Variants in SYNJ2 observed in about 807,000 individuals in gnomAD.
SYNJ2 encodes the protein synaptojanin 2.
A neutral mutation model predicts 141.3 loss-of-function variants in SYNJ2; 116 were observed. That is an observed-to-expected ratio of 0.82 (90% CI 0.71 to 0.96). The LOEUF (loss-of-function observed/expected upper bound fraction) is 0.96, where lower values mean the gene tolerates loss of function less well. Ranked by LOEUF, SYNJ2 falls within the 40% of genes least tolerant of loss-of-function variation. The pLI is 0.00. For synonymous variants in SYNJ2, 745 were observed against 777.7 expected, an observed-to-expected ratio of 0.96 and a Z score of 0.70; for missense variants, 1,873 against 1,934.8, an observed-to-expected ratio of 0.97 and a Z score of 0.60.
chr6:158,029,128 G>A (rs371729939), intron 3 of SYNJ2, 102 bp downstream of exon 3: 14 of 1,367,046 alleles, frequency 1.0e-5, no homozygotes, highest in South Asian at 4.5e-5. Flanking sequence ...CACCACCCCC[G>A]GGTTATGGGG....
At chr6:157,997,297 G>A (rs887664424) in intron 1 of SYNJ2, among the ~76,000 whole-genome samples, 2 of 152,190 alleles carry the variant, frequency 1.3e-5, no homozygotes, top group Admixed American at 6.5e-5. Flanking sequence ...TGGAAATAGG[G>A]TCTTTGCAGA....
chr6:158,069,973 A>G lies in SYNJ2; in HGVS notation c.1940+300A>G, dbSNP rs549037902. Among the ~76,000 whole-genome samples, 4 of 152,314 alleles carry G rather than the reference A, an allele frequency of 2.6e-5. No individual in the cohort carries two copies. The East Asian group carries it at 7.7e-4, about 29-fold the overall frequency. On this transcript the variant is annotated intron_variant, in intron 14 of 26. Transcript: ENST00000355585. ...TGCAAGGAAAAGGGTTCCTTGTTGGAATCTTATAGACAGGAAACCTCTGAC... is the reference window on the plus strand; with the variant it reads ...TGCAAGGAAAAGGGTTCCTTGTTGGGATCTTATAGACAGGAAACCTCTGAC...
intron 1 of SYNJ2, among the ~76,000 whole-genome samples, chr6:158,013,017 G>T (rs1483022603): frequency 1.3e-5 from 2 of 152,156 alleles, no homozygotes; most frequent in African/African-American, 4.8e-5. Context: ...TAACCTTTTT[G>T]GGGGCACCGA....
intron 6 of SYNJ2, among the ~76,000 whole-genome samples, chr6:158,058,144 A>G (rs1780983191): frequency 6.6e-6 from 1 of 152,246 alleles, no homozygotes; most frequent in Admixed American, 6.5e-5. Flanking sequence ...AATTTGGAAA[A>G]GAGAAAGATG....
At chr6:158,088,034 A>ATTTTTT (rs568222551) in intron 23 of SYNJ2, among the ~76,000 whole-genome samples, 20 of 31,868 alleles carry the variant, frequency 6.3e-4, no homozygotes, top group East Asian at 3.5e-3. Flanking sequence ...CTGCTTTGGA[A>ATTTTTT]TTTTTTTTTT....
intron 25 of SYNJ2, among the ~76,000 whole-genome samples, chr6:158,090,542 G>GTTTTTTTTTTTTTTTTTTTTT (rs58356198): frequency 1.8e-5 from 2 of 113,924 alleles, no homozygotes; most frequent in Non-Finnish European, 1.8e-5. Flanking sequence ...TTTTTTTTTT[G>GTTTTTTTTTTTTTTTTTTTTT]TTTTTTTTTT....
intron 1 of SYNJ2, among the ~76,000 whole-genome samples, chr6:157,987,390 A>G (rs1046847788): frequency 1.3e-5 from 2 of 151,394 alleles, no homozygotes; most frequent in African/African-American, 2.4e-5. Context: ...CACCTCAAAT[A>G]CTTCTTTGTT....
chr6:158,093,952 T>C, intron 26 of SYNJ2: 1 of 765,346 alleles, frequency 1.3e-6, no homozygotes, highest in Non-Finnish European at 2.4e-6. Context: ...CATGAGTTTG[T>C]AAGGACAGTA....
intron 2 of SYNJ2, among the ~76,000 whole-genome samples, chr6:158,024,739 A>G (rs1778949220): frequency 6.6e-6 from 1 of 152,166 alleles, no homozygotes; most frequent in Non-Finnish European, 1.5e-5. Context: ...CAGATATGCT[A>G]CATTAGGATG....
At chr6:158,003,103 T>C (rs73579614) in intron 1 of SYNJ2, among the ~76,000 whole-genome samples, 89 of 152,278 alleles carry the variant, frequency 5.8e-4, no homozygotes, top group African/African-American at 2.1e-3. Context: ...AACCAAACTT[T>C]CTTGTATTTT....
chr6:158,076,186 G>A (rs2128382040), intron 16 of SYNJ2, among the ~76,000 whole-genome samples: 1 of 152,296 alleles, frequency 6.6e-6, no homozygotes, highest in Middle Eastern at 3.4e-3. Context: ...AGACCCCAGG[G>A]GGAGAGAGAG....
chr6:158,096,057 A>T lies in SYNJ2; in HGVS notation c.4184A>T (p.Asp1395Val). 1 of 1,614,206 alleles carries T rather than the reference A, an allele frequency of 6.2e-7. No homozygotes were observed. The highest frequency in any genetic ancestry group is 8.5e-7 in the Non-Finnish European group (1 of 1,180,036). ...TCATCTGCTACAAGCCCCGACAGCGATGGCACCAAAGCGATGAAGCCAGAG... is the reference window on the plus strand; with the variant it reads ...TCATCTGCTACAAGCCCCGACAGCGTTGGCACCAAAGCGATGAAGCCAGAG... ...STSSATSPDS[D>V]GTKAMKPEAA... is the part of the protein sequence containing the mutation. Residue 1395 changes from aspartate (D) to valine (V), a missense_variant, in exon 27 of 27, where the codon GAT becomes GTT. Transcript: ENST00000355585.
At position 158,071,685 on chromosome 6, in the gene SYNJ2, A is replaced by G. The variant is rs1781935246; in HGVS notation, c.2024A>G (p.His675Arg). The part of the protein sequence containing the change: ...KGAVGIRFQF[H>R]STSFCFICSH... ...GCCGTCGGCATCCGCTTCCAGTTCC[A>G]CAGCACCAGCTTCTGCTTCATATGT... is the stretch of plus-strand genomic sequence containing the variant. The change falls in exon 15 of 27, where the codon CAC (histidine) becomes CGC (arginine). Residue 675 changes from histidine to arginine, a missense_variant. His to Arg is a conservative substitution (Grantham distance 29, BLOSUM62 0). Transcript: ENST00000355585. The surrounding 1 kb of genome is among the most constrained non-coding windows in gnomAD (Gnocchi z 4.3). 1 of 1,614,092 alleles carries G rather than the reference A, an allele frequency of 6.2e-7. No homozygotes were observed. Among genetic ancestry groups the G allele is most frequent in the Non-Finnish European group, 8.5e-7 (1 of 1,180,028 alleles).
chr6:158,078,057 G>A (rs974874142), intron 17 of SYNJ2, 107 bp from the exon 18 acceptor site: 4 of 665,792 alleles, frequency 6.0e-6, no homozygotes, highest in South Asian at 3.4e-5. Context: ...AGTCTGGGAC[G>A]TGGGGTGGTT....
chr6:158,012,847 G>C (rs547774014), intron 1 of SYNJ2, among the ~76,000 whole-genome samples: 1 of 152,308 alleles, frequency 6.6e-6, no homozygotes, highest in Admixed American at 6.5e-5. Context: ...GCTGCCAGCA[G>C]AGTCTGCTTA....
At chr6:158,047,755 C>A (rs950745419) in intron 5 of SYNJ2, among the ~76,000 whole-genome samples, 1 of 103,890 alleles carries the variant, frequency 9.6e-6, no homozygotes, top group Non-Finnish European at 1.7e-5. Context: ...CTAGCCTGGT[C>A]AACAGAGTGC....
rs1452506656 is a variant in SYNJ2 at position 158,043,375 on chromosome 6, G to C, written c.771G>C (p.Leu257=). The part of the protein sequence containing the change: ...SFVQIRGSVP[L]FWEQPGLQVG... ...TCCAGATCAGAGGCTCCGTTCCGCTGTTCTGGGAACAGCCAGGGCTTCAGG... is the reference window on the plus strand; with the variant it reads ...TCCAGATCAGAGGCTCCGTTCCGCTCTTCTGGGAACAGCCAGGGCTTCAGG... Residue 257 remains leucine, a synonymous_variant, in exon 5 of 27, where the codon CTG becomes CTC. Coordinates refer to ENST00000355585, the MANE Select transcript of SYNJ2 (RefSeq NM_003898.4). The surrounding 1 kb of genome is among the most constrained non-coding windows in gnomAD (Gnocchi z 4.0). 2 of 1,614,142 alleles carry C rather than the reference G, an allele frequency of 1.2e-6. No homozygotes were observed.
Position 158,028,806 on chromosome 6 carries a change from G to A in SYNJ2, c.265G>A (p.Gly89Ser), listed in dbSNP as rs766256687. The A allele has an allele frequency of 9.9e-6, 16 of 1,614,014 alleles. No individual in the cohort carries two copies. The highest frequency in any genetic ancestry group is 1.2e-5 in the Non-Finnish European group (14 of 1,180,032). The part of the protein sequence containing the change: ...LVLVTGCTSV[G>S]RIPDAEIYKI... ...GTTGGTGACAGGCTGCACATCTGTG[G>A]GCAGAATTCCAGATGCTGAAATCTA... Residue 89 changes from glycine to serine, a missense_variant, in exon 3 of 27, where the codon GGC (glycine) becomes AGC (serine). Gly to Ser is a moderately conservative substitution (Grantham distance 56, BLOSUM62 0). Coordinates refer to ENST00000355585, the MANE Select transcript of SYNJ2 (RefSeq NM_003898.4).
intron 4 of SYNJ2, among the ~76,000 whole-genome samples, chr6:158,042,553 C>T (rs1347994620): frequency 2.0e-5 from 3 of 152,268 alleles, no homozygotes; most frequent in Non-Finnish European, 4.4e-5. Context: ...CCCCTGCTGG[C>T]GCTCAGGATC....
Sources: gnomAD v4.1 joint callset for allele counts (sites outside exome capture counted in the v4.1 genomes callset) on GRCh38, gnomAD v4.1.1 for gene constraint, Gnocchi (gnomAD v3.1) non-coding constraint, MANE v1.5 for transcripts, NCBI Gene and HGNC (gene_info 2026-07-23, HGNC 2026-07-21) for gene names.